Variants in PUS7 observed in about 807,000 individuals in gnomAD.
PUS7 encodes pseudouridylate synthase 7 homolog.
A neutral mutation model predicts 79.8 loss-of-function variants in PUS7; 48 were observed. The observed-to-expected ratio is 0.60, with a 90% CI of 0.48 to 0.76. PUS7 has a LOEUF of 0.76. Ranked by LOEUF, PUS7 falls within the 30% of genes least tolerant of loss-of-function variation. PUS7 has a pLI of 0.00. For missense variants in PUS7, 729 were observed against 797.6 expected, an observed-to-expected ratio of 0.91 and a Z score of 1.04; for synonymous variants, 286 against 272.2, an observed-to-expected ratio of 1.05 and a Z score of -0.50.
At position 105,468,552 on chromosome 7, in the gene PUS7, C is replaced by G. The variant is rs549237290; in HGVS notation, c.1399-89G>C. On this transcript the variant is annotated intron_variant, in intron 11 of 15. Transcript: ENST00000469408. ...TTTTTTTTTGAGATGGGGTCTTGCTCTCTTGCCCAGGCTGGAGTGCAGTGG... is the reference window on the plus strand; with the variant it reads ...TTTTTTTTTGAGATGGGGTCTTGCTGTCTTGCCCAGGCTGGAGTGCAGTGG... 2.7e-5 allele frequency: 33 copies of G among 1,220,206 alleles called. No individual in the cohort carries two copies. In the East Asian group the frequency reaches 6.9e-4, roughly 25 times the overall value. 75.6% of individuals were successfully genotyped at this position (1,220,206 alleles called of 1,614,324 possible).
In PUS7 at chr7:105,470,399, C is replaced by T. The variant is rs74845803; in HGVS notation, c.1398+289G>A. The T allele has an allele frequency of 2.0e-3, 522 of 256,370 alleles. 1 individual carries two copies. Among genetic ancestry groups the T allele is most frequent in the African/African-American group, 1.0e-2 (454 of 45,412 alleles). 15.9% of individuals were successfully genotyped at this position (256,370 alleles called of 1,614,324 possible). A position where few individuals can be genotyped will look rare whatever the true frequency, so the allele number is the denominator to read the frequency against. ...TCAAGAAATGACTATACAATAGATT[C>T]GAAATTTCTCAAATACCAAGAGACT... On this transcript the variant is annotated intron_variant, in intron 11 of 15. Coordinates refer to ENST00000469408, the MANE Select transcript of PUS7 (RefSeq NM_019042.5).
intron 1 of PUS7, among the ~76,000 whole-genome samples, chr7:105,516,191 C>T (rs1005666301): frequency 6.6e-6 from 1 of 152,042 alleles, no homozygotes; most frequent in African/African-American, 2.4e-5. Context: ...GTGATCCACC[C>T]ACATTGGCCT....
intron 7 of PUS7, among the ~76,000 whole-genome samples, 190 bp downstream of exon 7, chr7:105,491,350 T>G (rs1242864934): frequency 6.6e-6 from 1 of 152,154 alleles, no homozygotes; most frequent in African/African-American, 2.4e-5. Context: ...CAAAAAAATC[T>G]TTAAAAATTA....
chr7:105,459,275 A>C lies in PUS7; in HGVS notation c.1758-16T>G, dbSNP rs752878892. ...AACGACTTCCCTTCAAAACATATGA[A>C]TAAAGATAAGTGTGAATGTGAACTT... On this transcript the variant is annotated splice_polypyrimidine_tract_variant and intron_variant, in intron 14 of 15. Transcript: ENST00000469408. 6.4e-7 allele frequency: 1 copy of C among 1,558,920 alleles called. No individual in the cohort carries two copies. Among genetic ancestry groups the C allele is most frequent in the East Asian group, 2.2e-5 (1 of 44,556 alleles).
chr7:105,483,742 C>G lies in PUS7; in HGVS notation c.921-1302G>C, dbSNP rs368409202. On this transcript the variant is annotated intron_variant, in intron 7 of 15. Transcript: ENST00000469408. Reference sequence around the variant, plus strand: ...ATCTCCTGGCCTCAAGTGATCCACCCACCTCAGCTTCCCAAAGTGTTGGGA... The same window carrying G: ...ATCTCCTGGCCTCAAGTGATCCACCGACCTCAGCTTCCCAAAGTGTTGGGA... Among the ~76,000 whole-genome samples, 3 of 152,286 alleles carry G rather than the reference C, an allele frequency of 2.0e-5. No homozygotes were observed. In the East Asian group the frequency reaches 5.8e-4, roughly 29 times the overall value.
chr7:105,501,917 T>C (rs1044883201), intron 5 of PUS7, among the ~76,000 whole-genome samples: 3 of 145,112 alleles, frequency 2.1e-5, no homozygotes, highest in African/African-American at 7.8e-5. Flanking sequence ...ATCGTGCCAC[T>C]GCACTCCAGC....
intron 1 of PUS7, among the ~76,000 whole-genome samples, chr7:105,509,580 C>T (rs1825628051): frequency 6.6e-6 from 1 of 152,154 alleles, no homozygotes; most frequent in African/African-American, 2.4e-5. Flanking sequence ...AAGCAATCCT[C>T]CTGCCTCAGC....
intron 9 of PUS7, among the ~76,000 whole-genome samples, chr7:105,480,096 G>T (rs899294096): frequency 6.6e-6 from 1 of 152,228 alleles, no homozygotes; most frequent in Non-Finnish European, 1.5e-5. Flanking sequence ...TGACATCTCT[G>T]TCTGGCTACT....
intron 1 of PUS7, among the ~76,000 whole-genome samples, chr7:105,510,827 C>G (rs1457743807): frequency 6.6e-6 from 1 of 151,824 alleles, no homozygotes; most frequent in Admixed American, 6.6e-5. Context: ...ATTTGATGCT[C>G]TTGGTAAAAT....
At chr7:105,507,531 A>C (rs1386369560) in intron 2 of PUS7, among the ~76,000 whole-genome samples, 2 of 151,798 alleles carry the variant, frequency 1.3e-5, no homozygotes, top group African/African-American at 4.8e-5. Flanking sequence ...AAACCATTTA[A>C]ATGAATTTAT....
chr7:105,461,367 A>G (rs1209738507), intron 14 of PUS7, among the ~76,000 whole-genome samples: 1 of 152,144 alleles, frequency 6.6e-6, no homozygotes. Context: ...ATAACTGTTT[A>G]TATTCAAAAC....
intron 10 of PUS7, among the ~76,000 whole-genome samples, chr7:105,471,137 TTC>T (rs1284775727): frequency 1.3e-5 from 2 of 152,256 alleles, no homozygotes; most frequent in Non-Finnish European, 2.9e-5. Context: ...ACTTTCTTCC[TTC>T]TCTCTTTTTC....
intron 1 of PUS7, among the ~76,000 whole-genome samples, chr7:105,515,850 C>T (rs1042888412): frequency 1.4e-5 from 2 of 143,736 alleles, no homozygotes; most frequent in African/African-American, 5.5e-5. Context: ...CACTCTGTTG[C>T]CCAGGCTGGA....
chr7:105,495,521 A>G (rs536315048), intron 5 of PUS7, among the ~76,000 whole-genome samples: 7 of 151,534 alleles, frequency 4.6e-5, no homozygotes, highest in Non-Finnish European at 1.0e-4. Context: ...TGGGAGGCCA[A>G]GGCGGGCAAG....
At chr7:105,487,445 A>G (rs1824596354) in intron 7 of PUS7, among the ~76,000 whole-genome samples, 1 of 152,210 alleles carries the variant, frequency 6.6e-6, no homozygotes, top group Non-Finnish European at 1.5e-5. Context: ...TTTGTGGCCG[A>G]ATAGTAGTAT....
chr7:105,492,490 GA>G (rs1824829235), intron 6 of PUS7, among the ~76,000 whole-genome samples: 1 of 142,604 alleles, frequency 7.0e-6, no homozygotes, highest in Non-Finnish European at 1.5e-5. Flanking sequence ...ACATCTGGCT[GA>G]TTTTTTGTAT....
chr7:105,502,682 C>T, intron 4 of PUS7, 118 bp from the exon 5 acceptor site: 1 of 1,114,984 alleles, frequency 9.0e-7, no homozygotes, highest in Admixed American at 2.5e-5. Context: ...AACAAAAGTG[C>T]CTGCATACGA....
At chr7:105,495,474 C>A in intron 5 of PUS7, 1 of 355,354 alleles carries the variant, frequency 2.8e-6, no homozygotes, top group Non-Finnish European at 5.1e-6. Context: ...TAAAATGTGG[C>A]TGGGCACGGT....
At chr7:105,506,612 G>A (rs1399856517) in intron 2 of PUS7, among the ~76,000 whole-genome samples, 7 of 151,724 alleles carry the variant, frequency 4.6e-5, no homozygotes, top group Non-Finnish European at 8.8e-5. Flanking sequence ...TAGTAGAGAC[G>A]GGGTTGCACC....
Sources: gnomAD v4.1 joint callset for allele counts (sites outside exome capture counted in the v4.1 genomes callset) on GRCh38, gnomAD v4.1.1 for gene constraint, MANE v1.5 for transcripts, NCBI Gene and HGNC (gene_info 2026-07-23, HGNC 2026-07-21) for gene names.